Variants in PARD3 observed in about 807,000 individuals in gnomAD.
PARD3 encodes the protein par-3 family cell polarity regulator, also known as partitioning defective 3 homolog.
Under a neutral mutation model 155.4 loss-of-function variants are expected in PARD3, and 75 were observed. The ratio of observed to expected loss-of-function variants is 0.48; its 90% CI spans 0.40 to 0.58. The LOEUF is 0.58. Ranked by LOEUF, PARD3 falls within the 20% of genes least tolerant of loss-of-function variation. The pLI is 0.00. For synonymous variants in PARD3, 576 were observed against 610.5 expected (o/e 0.94, Z 0.83); for missense variants, 1,642 against 1,721.7 (o/e 0.95, Z 0.82).
chr10:34,164,837 T>C (rs1178155550), intron 22 of PARD3, among the ~76,000 whole-genome samples: 1 of 152,226 alleles, frequency 6.6e-6, no homozygotes, highest in Non-Finnish European at 1.5e-5. Context: ...CATAGTCATT[T>C]TGGGGATGAG....
intron 2 of PARD3, among the ~76,000 whole-genome samples, chr10:34,601,221 G>GTT (rs1315533229): frequency 6.8e-6 from 1 of 146,822 alleles, no homozygotes; most frequent in Non-Finnish European, 1.5e-5. Flanking sequence ...AGGGCCAGGA[G>GTT]TTTGAGACCA....
At chr10:34,805,306 G>A (rs759623524) in intron 1 of PARD3, among the ~76,000 whole-genome samples, 3 of 152,106 alleles carry the variant, frequency 2.0e-5, no homozygotes, top group Admixed American at 6.6e-5. Context: ...GCAGTGAGCC[G>A]AGACTCTGCC....
intron 3 of PARD3, among the ~76,000 whole-genome samples, chr10:34,470,637 A>C (rs958350147): frequency 6.6e-6 from 1 of 152,208 alleles, no homozygotes; most frequent in East Asian, 1.9e-4. Context: ...TAAAGGGGTT[A>C]AACAGTGCTA....
intron 22 of PARD3, among the ~76,000 whole-genome samples, chr10:34,266,776 T>C (rs1270656085): frequency 1.3e-5 from 2 of 152,184 alleles, no homozygotes; most frequent in Middle Eastern, 3.2e-3. Flanking sequence ...AGTTTGGGGT[T>C]AGCACAGTGC....
intron 22 of PARD3, among the ~76,000 whole-genome samples, chr10:34,208,585 G>C (rs1420799187): frequency 3.3e-5 from 5 of 152,184 alleles, no homozygotes; most frequent in Non-Finnish European, 5.9e-5. Flanking sequence ...TCATTTTGCA[G>C]AGGGTTAAGG....
intron 19 of PARD3, among the ~76,000 whole-genome samples, chr10:34,321,374 T>C (rs569850568): frequency 3.3e-5 from 5 of 152,332 alleles, no homozygotes; most frequent in African/African-American, 1.2e-4. Context: ...AAGTGCTATA[T>C]ACATTTCTTG....
At chr10:34,735,138 C>T (rs1051593286) in intron 1 of PARD3, among the ~76,000 whole-genome samples, 2 of 152,076 alleles carry the variant, frequency 1.3e-5, no homozygotes, top group Non-Finnish European at 2.9e-5. Context: ...TATATCCAAA[C>T]GGACAACAGA....
intron 1 of PARD3, among the ~76,000 whole-genome samples, chr10:34,697,771 TCACA>T (rs145318885): frequency 6.7e-6 from 1 of 150,200 alleles, no homozygotes; most frequent in South Asian, 2.1e-4. Flanking sequence ...AAACAAACAC[TCACA>T]CACACACACA....
intron 8 of PARD3, 37 bp downstream of exon 8, chr10:34,384,092 G>A: frequency 2.5e-6 from 4 of 1,601,982 alleles, no homozygotes; most frequent in Non-Finnish European, 3.4e-6. Context: ...CATGCCTAAT[G>A]CAAGTAAGAA....
chr10:34,682,974 C>T (rs550930389), intron 2 of PARD3, among the ~76,000 whole-genome samples: 3 of 152,346 alleles, frequency 2.0e-5, no homozygotes, highest in Admixed American at 6.5e-5. Context: ...TGGCCGACAA[C>T]GGCAACCACA....
At chr10:34,618,869 T>C (rs532413676) in intron 2 of PARD3, among the ~76,000 whole-genome samples, 1 of 152,218 alleles carries the variant, frequency 6.6e-6, no homozygotes, top group African/African-American at 2.4e-5. Flanking sequence ...AAGGTAATAT[T>C]TAAGGTCAAC....
At chr10:34,735,851 T>A (rs1019947619) in intron 1 of PARD3, among the ~76,000 whole-genome samples, 1 of 152,154 alleles carries the variant, frequency 6.6e-6, no homozygotes, top group African/African-American at 2.4e-5. Context: ...AACAGAAATA[T>A]TTTTTATATA....
In PARD3 at chr10:34,530,244, G is replaced by T. The variant is rs180771884; in HGVS notation, c.223-13085C>A. Among the ~76,000 whole-genome samples the T allele has an allele frequency of 5.9e-5, 9 of 151,844 alleles. No individual in the cohort carries two copies. The South Asian group carries it at 1.9e-3, about 32-fold the overall frequency. Reference sequence around the variant, plus strand: ...TACATCACAATGTCTGACTTTTTCTGTTTTTTTTCTCTAAAAATATTTCCA... The same window carrying T: ...TACATCACAATGTCTGACTTTTTCTTTTTTTTTTCTCTAAAAATATTTCCA... On this transcript the variant is annotated intron_variant, in intron 2 of 24. Coordinates refer to ENST00000374788, the MANE Select transcript of PARD3 (RefSeq NM_001184785.2).
intron 3 of PARD3, among the ~76,000 whole-genome samples, chr10:34,516,308 C>A (rs1462068883): frequency 1.3e-5 from 2 of 152,136 alleles, no homozygotes; most frequent in East Asian, 1.9e-4. Context: ...TTGATCTTCT[C>A]TTAACAACTG....
chr10:34,470,393 C>G (rs2078273220), intron 3 of PARD3, 130 bp from the exon 4 acceptor site: 3 of 616,638 alleles, frequency 4.9e-6, no homozygotes, highest in Non-Finnish European at 7.9e-6. Flanking sequence ...ACAAGTGGGT[C>G]AGTATTCTAA....
intron 5 of PARD3, among the ~76,000 whole-genome samples, chr10:34,415,766 C>T (rs1330913493): frequency 6.6e-6 from 1 of 152,158 alleles, no homozygotes; most frequent in African/African-American, 2.4e-5. Context: ...CCCAAATCTA[C>T]CCATCAACAA....
chr10:34,489,770 G>A (rs1231659517), intron 3 of PARD3, among the ~76,000 whole-genome samples: 6 of 152,172 alleles, frequency 3.9e-5, no homozygotes, highest in Admixed American at 3.9e-4. Context: ...ACTAACATTT[G>A]TTGAGCATTC....
At chr10:34,400,354 C>T (rs1843752504) in intron 6 of PARD3, among the ~76,000 whole-genome samples, 1 of 152,120 alleles carries the variant, frequency 6.6e-6, no homozygotes, top group South Asian at 2.1e-4. Context: ...ATGGATTTGT[C>T]AAGTCTATGA....
chr10:34,487,748 T>C (rs118173012), intron 3 of PARD3, among the ~76,000 whole-genome samples: 1 of 152,164 alleles, frequency 6.6e-6, no homozygotes, highest in Non-Finnish European at 1.5e-5. Context: ...TCTTCACATA[T>C]AATTTTATAG....
Sources: gnomAD v4.1 joint callset for allele counts (sites outside exome capture counted in the v4.1 genomes callset) on GRCh38, gnomAD v4.1.1 for gene constraint, MANE v1.5 for transcripts, NCBI Gene and HGNC (gene_info 2026-07-23, HGNC 2026-07-21) for gene names.